Variants in USP15 observed in about 807,000 individuals in gnomAD.
USP15 encodes ubiquitin specific peptidase 15.
In USP15, 18 loss-of-function variants were observed where a neutral mutation model predicts 127.1. The ratio of observed to expected loss-of-function variants is 0.14; its 90% CI spans 0.10 to 0.21. The LOEUF (loss-of-function observed/expected upper bound fraction) is 0.21. Among genes scored for constraint, USP15 ranks in the 10% least tolerant of loss-of-function variants. The pLI is 1.00. For synonymous variants in USP15, 364 were observed against 393.7 expected (o/e 0.92, Z 0.89); for missense variants, 805 against 1,159.9 (o/e 0.69, Z 4.44).
Position 62,294,257 on chromosome 12 carries a change from A to G in USP15, c.168A>G (p.Gly56=). 1 of 1,613,668 alleles carries G rather than the reference A, an allele frequency of 6.2e-7. No individual in the cohort carries two copies. The stretch of plus-strand genomic sequence containing the variant: ...ACAGTTGGGACAAATACCAGATGGG[A>G]GATCAAAATGTGTATCCTGGACCCA... ...GFDSWDKYQM[G]DQNVYPGPID... is the part of the protein sequence containing the mutation. The change falls in exon 2 of 22, where the codon GGA becomes GGG. Residue 56 remains glycine (G), a synonymous_variant. Coordinates refer to ENST00000280377, the MANE Select transcript of USP15 (RefSeq NM_001252078.2).
intron 7 of USP15, 183 bp from the exon 8 acceptor site, chr12:62,355,148 T>C: frequency 2.0e-6 from 1 of 491,780 alleles, no homozygotes; most frequent in Non-Finnish European, 3.5e-6. Context: ...GGATAAGGAG[T>C]ATCTTAATTC....
At chr12:62,399,105 C>T (rs1364329087) in intron 20 of USP15, among the ~76,000 whole-genome samples, 2 of 152,020 alleles carry the variant, frequency 1.3e-5, no homozygotes, top group African/African-American at 4.8e-5. Flanking sequence ...TCTTATAGAT[C>T]ACACAGATCT....
intron 20 of USP15, among the ~76,000 whole-genome samples, chr12:62,398,785 T>C (rs1258484473): frequency 6.6e-6 from 1 of 152,200 alleles, no homozygotes; most frequent in East Asian, 1.9e-4. Context: ...AATTTAAGCT[T>C]ATCAAGTGTA....
intron 4 of USP15, among the ~76,000 whole-genome samples, chr12:62,318,078 T>C (rs1261004579): frequency 1.3e-5 from 2 of 152,202 alleles, no homozygotes; most frequent in Admixed American, 6.5e-5. Flanking sequence ...TACAGTTGAA[T>C]TAATATGTGG....
chr12:62,398,615 T>TA (rs2067575262), intron 20 of USP15, among the ~76,000 whole-genome samples: 1 of 152,240 alleles, frequency 6.6e-6, no homozygotes, highest in South Asian at 2.1e-4. Context: ...ACTTCATTCT[T>TA]ACCTTTATTA....
intron 8 of USP15, among the ~76,000 whole-genome samples, chr12:62,359,238 GA>G (rs764125277): frequency 8.3e-3 from 682 of 81,942 alleles, no homozygotes; most frequent in African/African-American, 0.017. Flanking sequence ...AGTCTGGCTT[GA>G]AAAAAAAAAA....
intron 21 of USP15, among the ~76,000 whole-genome samples, chr12:62,403,512 G>A (rs1277785127): frequency 1.3e-5 from 2 of 152,080 alleles, no homozygotes; most frequent in Non-Finnish European, 2.9e-5. Context: ...CCTGCTGAAA[G>A]CCATTTTGCT....
At chr12:62,289,326 A>G (rs2063881840) in intron 1 of USP15, among the ~76,000 whole-genome samples, 1 of 151,908 alleles carries the variant, frequency 6.6e-6, no homozygotes, top group Non-Finnish European at 1.5e-5. Flanking sequence ...GGTTCAGTAC[A>G]ATCTTGGGAG....
intron 6 of USP15, among the ~76,000 whole-genome samples, chr12:62,343,372 G>A (rs998369575): frequency 6.6e-6 from 1 of 152,204 alleles, no homozygotes; most frequent in African/African-American, 2.4e-5. Context: ...CCCGCTGAGC[G>A]AGACCACTTG....
At chr12:62,338,456 C>T (rs2065545696) in intron 6 of USP15, among the ~76,000 whole-genome samples, 1 of 151,908 alleles carries the variant, frequency 6.6e-6, no homozygotes. Context: ...AGTTTCTTTT[C>T]CTGTGTAGAA....
At chr12:62,302,710 T>A in intron 2 of USP15, 80 bp from the exon 3 acceptor site, 9 of 1,431,310 alleles carry the variant, frequency 6.3e-6, no homozygotes, top group Non-Finnish European at 8.5e-6. Context: ...ATACTTAAAT[T>A]AGCCTTCATG....
chr12:62,266,382 A>G (rs2063192743), intron 1 of USP15, among the ~76,000 whole-genome samples: 1 of 152,182 alleles, frequency 6.6e-6, no homozygotes, highest in Admixed American at 6.5e-5. Context: ...CTCAGCACAG[A>G]AAATGCAAAT....
chr12:62,331,096 A>G (rs887314554), intron 6 of USP15, among the ~76,000 whole-genome samples: 2 of 152,206 alleles, frequency 1.3e-5, no homozygotes, highest in Non-Finnish European at 2.9e-5. Context: ...CATTTGCCAG[A>G]AGACAACCCC....
chr12:62,355,199 T>C (rs1458751256), intron 7 of USP15, 132 bp from the exon 8 acceptor site: 10 of 802,504 alleles, frequency 1.2e-5, no homozygotes, highest in Non-Finnish European at 1.4e-5. Flanking sequence ...TTTAAAAAAG[T>C]ATCTGAGTTG....
intron 8 of USP15, among the ~76,000 whole-genome samples, chr12:62,361,535 TTAGA>T (rs1236550987): frequency 2.0e-5 from 3 of 152,050 alleles, no homozygotes; most frequent in Admixed American, 6.6e-5. Context: ...AATATACTTA[TTAGA>T]TAGTATTGTA....
chr12:62,288,505 A>T (rs940148585), intron 1 of USP15, among the ~76,000 whole-genome samples: 2 of 152,090 alleles, frequency 1.3e-5, no homozygotes, highest in Non-Finnish European at 2.9e-5. Context: ...GTCTTCGTGG[A>T]ATCTTTAGAG....
intron 11 of USP15, among the ~76,000 whole-genome samples, chr12:62,389,123 T>A (rs1440553624): frequency 6.6e-6 from 1 of 152,142 alleles, no homozygotes; most frequent in Non-Finnish European, 1.5e-5. Context: ...AGTGAGAGCC[T>A]GTCTCTAAAC....
chr12:62,348,290 A>G (rs1450377507), intron 6 of USP15, among the ~76,000 whole-genome samples: 2 of 152,232 alleles, frequency 1.3e-5, no homozygotes, highest in Non-Finnish European at 2.9e-5. Flanking sequence ...TGTTCTGCAT[A>G]ATGCATTGTA....
chr12:62,358,672 C>T (rs1164746548), intron 8 of USP15, among the ~76,000 whole-genome samples: 1 of 152,024 alleles, frequency 6.6e-6, no homozygotes, highest in African/African-American at 2.4e-5. Context: ...GCCAAGATTA[C>T]ACCATTACAC....
Sources: gnomAD v4.1 joint callset for allele counts (sites outside exome capture counted in the v4.1 genomes callset) on GRCh38, gnomAD v4.1.1 for gene constraint, MANE v1.5 for transcripts, NCBI Gene and HGNC (gene_info 2026-07-23, HGNC 2026-07-21) for gene names.